SPMIP7: variants seen among roughly 807,000 people sequenced by gnomAD.
SPMIP7 encodes the protein sperm microtubule inner protein 7.
At chr7:50,108,235 A>G in the SPMIP7 span, among the ~76,000 whole-genome samples, 2 of 152,228 alleles carry the variant, frequency 1.3e-5, no homozygotes, top group Non-Finnish European at 2.9e-5. Flanking sequence ...TAGACACACA[A>G]CATGTAGAAG....
At chr7:50,151,215 T>C in the SPMIP7 span, among the ~76,000 whole-genome samples, 1 of 152,148 alleles carries the variant, frequency 6.6e-6, no homozygotes, top group Non-Finnish European at 1.5e-5. Flanking sequence ...GAACTTGAAA[T>C]AAATTTTATC....
the SPMIP7 span, among the ~76,000 whole-genome samples, chr7:50,111,718 A>T: frequency 6.6e-6 from 1 of 152,282 alleles, no homozygotes; most frequent in East Asian, 1.9e-4. Flanking sequence ...ATTCTGTTGC[A>T]CTTACTATCT....
chr7:50,135,008 A>G, the SPMIP7 span, among the ~76,000 whole-genome samples: 1,083 of 152,156 alleles, frequency 7.1e-3, 17 homozygotes, highest in African/African-American at 0.025. Flanking sequence ...TTATTGCCCA[A>G]ACATCACCCC....
chr7:50,101,290 G>T, the SPMIP7 span, among the ~76,000 whole-genome samples: 2 of 152,222 alleles, frequency 1.3e-5, no homozygotes, highest in Non-Finnish European at 2.9e-5. Context: ...TCACTATCCT[G>T]TGAAAGACCA....
chr7:50,141,218 C>T, the SPMIP7 span: 2 of 1,126,416 alleles, frequency 1.8e-6, no homozygotes, highest in African/African-American at 1.5e-5. Flanking sequence ...GAATACTGTT[C>T]AATGGTTTCT....
chr7:50,104,051 A>G, the SPMIP7 span, among the ~76,000 whole-genome samples: 6 of 152,312 alleles, frequency 3.9e-5, no homozygotes, highest in East Asian at 9.6e-4. Context: ...GTGCACATAC[A>G]TAGATGTATA....
chr7:50,099,517 A>G, the SPMIP7 span, among the ~76,000 whole-genome samples: 1 of 152,126 alleles, frequency 6.6e-6, no homozygotes, highest in African/African-American at 2.4e-5. Flanking sequence ...CACTTCTTTC[A>G]TTCTTCATGA....
the SPMIP7 span, among the ~76,000 whole-genome samples, chr7:50,139,004 A>T: frequency 1.3e-5 from 2 of 152,202 alleles, no homozygotes; most frequent in African/African-American, 4.8e-5. Flanking sequence ...TATAGACTCC[A>T]ACGTGTAAAT....
At chr7:50,098,658 G>T in the SPMIP7 span, among the ~76,000 whole-genome samples, 2 of 151,982 alleles carry the variant, frequency 1.3e-5, no homozygotes, top group African/African-American at 4.8e-5. Context: ...TTTATAGAAG[G>T]CATCTTTTTC....
chr7:50,112,777 A>C, the SPMIP7 span, among the ~76,000 whole-genome samples: 1 of 152,052 alleles, frequency 6.6e-6, no homozygotes, highest in African/African-American at 2.4e-5. Context: ...ACCCAAACAT[A>C]GCTTTACATT....
the SPMIP7 span, among the ~76,000 whole-genome samples, chr7:50,127,513 A>G: frequency 6.6e-6 from 1 of 151,332 alleles, no homozygotes; most frequent in African/African-American, 2.4e-5. Context: ...AAGGATTAAT[A>G]ACCAGAATGT....
At chr7:50,112,511 G>A in the SPMIP7 span, among the ~76,000 whole-genome samples, 6 of 64,326 alleles carry the variant, frequency 9.3e-5, no homozygotes, top group Admixed American at 2.0e-4. Flanking sequence ...AAGAAAGCAC[G>A]AAAAGAAAAA....
the SPMIP7 span, chr7:50,159,101 C>A: frequency 1.4e-5 from 22 of 1,551,758 alleles, no homozygotes; most frequent in Admixed American, 3.5e-4. Flanking sequence ...TCCCCTGTCT[C>A]GACTGGTCAC....
the SPMIP7 span, among the ~76,000 whole-genome samples, chr7:50,145,582 A>G: frequency 3.2e-5 from 3 of 95,098 alleles, no homozygotes; most frequent in South Asian, 3.5e-4. Flanking sequence ...ATATATATAT[A>G]TGTGCGTGTG....
chr7:50,122,665 C>T, the SPMIP7 span, among the ~76,000 whole-genome samples: 2 of 150,538 alleles, frequency 1.3e-5, no homozygotes, highest in Non-Finnish European at 3.0e-5. Flanking sequence ...GCAACCTACT[C>T]ATCTGACAAA....
chr7:50,152,677 T>TTTAA, the SPMIP7 span, among the ~76,000 whole-genome samples: 1 of 147,358 alleles, frequency 6.8e-6, no homozygotes, highest in Non-Finnish European at 1.5e-5. Flanking sequence ...TATTTATTTA[T>TTTAA]TTATTTATTT....
chr7:50,106,874 C>T, the SPMIP7 span, among the ~76,000 whole-genome samples: 1 of 152,100 alleles, frequency 6.6e-6, no homozygotes, highest in Non-Finnish European at 1.5e-5. Flanking sequence ...GAGGCCAAGG[C>T]AGGATCACTT....
chr7:50,122,658 A>G, the SPMIP7 span, among the ~76,000 whole-genome samples: 2 of 150,790 alleles, frequency 1.3e-5, no homozygotes, highest in South Asian at 4.2e-4. Flanking sequence ...AATTTTTGCA[A>G]CCTACTCATC....
the SPMIP7 span, among the ~76,000 whole-genome samples, chr7:50,110,731 AATAT>A: frequency 2.1e-5 from 1 of 46,622 alleles, no homozygotes; most frequent in African/African-American, 6.8e-5. Flanking sequence ...TATTATATTA[AATAT>A]TATATATAAA....
Sources: allele counts gnomAD v4.1 joint callset (sites outside exome capture counted in the v4.1 genomes callset), GRCh38; gene constraint gnomAD v4.1.1; transcripts MANE v1.5; gene names NCBI Gene and HGNC (gene_info 2026-07-23, HGNC 2026-07-21).